Variants in PCDHGA1 observed in about 807,000 individuals in gnomAD.
The protein encoded by PCDHGA1 is protocadherin gamma-A1.
Under a neutral mutation model 58.0 loss-of-function variants are expected in PCDHGA1, and 32 were observed. The ratio of observed to expected loss-of-function variants is 0.55; its 90% confidence interval spans 0.42 to 0.74. PCDHGA1 has a LOEUF of 0.74. PCDHGA1 is among the 30% of genes least tolerant of loss of function. The pLI, the probability that PCDHGA1 is intolerant of heterozygous loss-of-function variation, is 0.00. For synonymous variants in PCDHGA1, 498 were observed against 501.1 expected (o/e 0.99, Z 0.08); for missense variants, 1,205 against 1,182.3 (o/e 1.02, Z -0.28).
chr5:141,445,035 T>C (rs1438748354), intron 1 of PCDHGA1, among the ~76,000 whole-genome samples: 1 of 152,208 alleles, frequency 6.6e-6, no homozygotes, highest in Admixed American at 6.5e-5. Flanking sequence ...CTATGTTGTA[T>C]AGTTTTCAGT....
Position 141,485,302 on chromosome 5 carries a change from T to C in PCDHGA1, c.2422-9505T>C. 1.2e-6 allele frequency: 2 copies of C among 1,614,152 alleles called. No homozygotes were observed. Among genetic ancestry groups the C allele is most frequent in the South Asian group, 2.2e-5 (2 of 91,078 alleles). On this transcript the variant is annotated intron_variant, in intron 1 of 3. Coordinates refer to ENST00000517417, the MANE Select transcript of PCDHGA1 (RefSeq NM_018912.3). This position sits in a 1 kb window ranked among gnomAD's most constrained non-coding sequence, Gnocchi z 5.7. ...TCCCAGAGGAGTCACAGGAAGGGAC[T>C]TTTGTAGGGAATGTCGCTCAAGATT... is the stretch of plus-strand genomic sequence containing the variant.
chr5:141,380,135 A>G lies in PCDHGA1; in HGVS notation c.2421+47030A>G, dbSNP rs142315554. 7.2e-4 allele frequency among the ~76,000 whole-genome samples: 110 copies of G among 151,952 alleles called. 5 individuals carry two copies. The East Asian group carries it at 0.018, about 25-fold the overall frequency. On this transcript the variant is annotated intron_variant, in intron 1 of 3. Transcript: ENST00000517417. ...GGCTGGTCTCAAACTCCTGACCTTA[A>G]GTGATCCACCCGCCTCAGCCTCTCA...
intron 1 of PCDHGA1, chr5:141,383,333 A>G: frequency 6.2e-7 from 1 of 1,614,006 alleles, no homozygotes; most frequent in South Asian, 1.1e-5. Context: ...ATAATGGAGA[A>G]TACAGCTCCT....
chr5:141,357,498 T>G, intron 1 of PCDHGA1: 1 of 1,614,020 alleles, frequency 6.2e-7, no homozygotes, highest in South Asian at 1.1e-5. Context: ...CGCGGAAGAG[T>G]CACCTGATCT....
intron 1 of PCDHGA1, chr5:141,364,397 C>T (rs1412341598): frequency 1.2e-6 from 2 of 1,605,004 alleles, no homozygotes; most frequent in Admixed American, 3.4e-5. Flanking sequence ...CCTGGGGACG[C>T]TGTGCGAGCC....
At chr5:141,419,523 G>C in intron 1 of PCDHGA1, 1 of 1,612,204 alleles carries the variant, frequency 6.2e-7, no homozygotes, top group Non-Finnish European at 8.5e-7. Flanking sequence ...GTGGGCGACC[G>C]TAACGACAAC....
chr5:141,345,183 GTTTT>G (rs758420424), intron 1 of PCDHGA1: 3 of 1,614,026 alleles, frequency 1.9e-6, no homozygotes, highest in Non-Finnish European at 2.5e-6. Context: ...GCAGGTTGAA[GTTTT>G]TGTCCTGGGA....
intron 1 of PCDHGA1, chr5:141,375,739 G>T (rs760131359): frequency 5.6e-6 from 9 of 1,614,126 alleles, no homozygotes; most frequent in East Asian, 4.5e-5. Context: ...GCCTGTTTGT[G>T]CTGGACCAGA....
chr5:141,364,883 G>A (rs2149867469), intron 1 of PCDHGA1: 1 of 1,613,946 alleles, frequency 6.2e-7, no homozygotes, highest in East Asian at 2.2e-5. Context: ...TGTGGTAAGC[G>A]GAACTGATGG....
chr5:141,383,304 G>T (rs1779007855), intron 1 of PCDHGA1: 1 of 1,613,800 alleles, frequency 6.2e-7, no homozygotes. Context: ...GATTCTTGAC[G>T]GAAGAAATAA....
chr5:141,415,499 C>G (rs2095876120), intron 1 of PCDHGA1: 1 of 1,614,098 alleles, frequency 6.2e-7, no homozygotes, highest in Non-Finnish European at 8.5e-7. Context: ...CTGATCTTCC[C>G]CCAGCCCAAT....
intron 1 of PCDHGA1, chr5:141,398,825 C>A (rs747230922): frequency 6.2e-7 from 1 of 1,613,994 alleles, no homozygotes; most frequent in South Asian, 1.1e-5. Flanking sequence ...ATCCAGGTAA[C>A]CGACGCCAAT....
intron 1 of PCDHGA1, among the ~76,000 whole-genome samples, chr5:141,381,826 C>CTTCTTTT (rs1777532522): frequency 2.4e-4 from 18 of 74,296 alleles, no homozygotes; most frequent in Admixed American, 1.2e-3. Context: ...CTTTCTTCTT[C>CTTCTTTT]TTTTTTTTTT....
At chr5:141,407,889 G>T (rs1378600394) in intron 1 of PCDHGA1, 1 of 389,100 alleles carries the variant, frequency 2.6e-6, no homozygotes, top group Non-Finnish European at 4.6e-6. Context: ...TTCGGAGACC[G>T]AATTCAAAAT....
In PCDHGA1 at chr5:141,470,146, A is replaced by G. The variant is rs181633492; in HGVS notation, c.2422-24661A>G. On this transcript the variant is annotated intron_variant, in intron 1 of 3. Coordinates refer to ENST00000517417, the MANE Select transcript of PCDHGA1 (RefSeq NM_018912.3). ...TTCGTCTCAAAAAAAAAGATCATAG[A>G]TCATCTTATCAAATCAAAGTATGCA... Among the ~76,000 whole-genome samples, 102 of 152,308 alleles carry G rather than the reference A, an allele frequency of 6.7e-4. 2 individuals carry two copies. Among genetic ancestry groups the G allele is most frequent in the African/African-American group, 2.4e-3 (99 of 41,558 alleles).
At position 141,431,423 on chromosome 5, in the gene PCDHGA1, C is replaced by T; in HGVS notation, c.2422-63384C>T. The T allele has an allele frequency of 3.1e-6, 5 of 1,613,670 alleles. No individual in the cohort carries two copies. Among genetic ancestry groups the T allele is most frequent in the Non-Finnish European group, 4.2e-6 (5 of 1,180,030 alleles). ...GGCCTCCGACGGGGGCGACCCGGTG[C>T]GCACAGGCACCGCGCGCATCCGCGT... On this transcript the variant is annotated intron_variant, in intron 1 of 3. Coordinates refer to ENST00000517417, the MANE Select transcript of PCDHGA1 (RefSeq NM_018912.3). This position sits in a 1 kb window ranked among gnomAD's most constrained non-coding sequence, Gnocchi z 4.8.
At chr5:141,427,982 G>A in intron 1 of PCDHGA1, 1 of 1,596,754 alleles carries the variant, frequency 6.3e-7, no homozygotes, top group Non-Finnish European at 8.6e-7. Flanking sequence ...CCGCGCTGGG[G>A]CCCGATGGCT....
chr5:141,372,461 GTTTCACC>G, intron 1 of PCDHGA1: 1 of 1,614,040 alleles, frequency 6.2e-7, no homozygotes, highest in South Asian at 1.1e-5. Context: ...CGGAGCTACA[GTTTCACC>G]TAGTAGTGGC....
At chr5:141,404,565 G>C in intron 1 of PCDHGA1, 2 of 1,613,910 alleles carry the variant, frequency 1.2e-6, no homozygotes. Flanking sequence ...AGTGACAGTG[G>C]AAGCCCACCA....
Sources: allele counts gnomAD v4.1 joint callset (sites outside exome capture counted in the v4.1 genomes callset), GRCh38; gene constraint gnomAD v4.1.1; non-coding constraint Gnocchi (gnomAD v3.1); transcripts MANE v1.5; gene names NCBI Gene and HGNC (gene_info 2026-07-23, HGNC 2026-07-21).